PTPRD: variants seen among roughly 807,000 people sequenced by gnomAD.
PTPRD encodes the protein receptor-type tyrosine-protein phosphatase delta.
Under a neutral mutation model 214.5 loss-of-function variants are expected in PTPRD, and 34 were observed. That is an observed-to-expected ratio of 0.16 (90% CI 0.12 to 0.21). The LOEUF (loss-of-function observed/expected upper bound fraction) is 0.21, where lower values mean the gene tolerates loss of function less well. Ranked by LOEUF, PTPRD falls within the 10% of genes least tolerant of loss-of-function variation. The probability of loss-of-function intolerance (pLI) is 1.00; values close to 1 mark genes in which losing one functional copy is unlikely to be tolerated. For synonymous variants in PTPRD, 1,128 were observed against 845.7 expected (o/e 1.33, Z -5.79); for missense variants, 2,545 against 2,398.7 (o/e 1.06, Z -1.27).
chr9:8,470,952 TTAAA>T (rs2096642052), intron 31 of PTPRD, 39 bp downstream of exon 31: 2 of 1,549,202 alleles, frequency 1.3e-6, no homozygotes, highest in African/African-American at 1.4e-5. Context: ...ATGCAGCAGA[TTAAA>T]TAACGAATAA....
rs191617884 is a variant in PTPRD at position 8,498,345 on chromosome 9, G to A, written c.2323-1077C>T. Among the ~76,000 whole-genome samples the A allele has an allele frequency of 1.9e-3, 284 of 152,162 alleles. 2 individuals are homozygous for A. Among genetic ancestry groups the A allele is most frequent in the African/African-American group, 6.8e-3 (282 of 41,502 alleles). On this transcript the variant is annotated intron_variant, in intron 25 of 45. Coordinates refer to ENST00000381196, the MANE Select transcript of PTPRD (RefSeq NM_002839.4). ...GGCTGGAGTGCAGTGGTGCGATCTTGGCTCACTGCAAACTCCACCTCCTGG... is the reference window on the plus strand; with the variant it reads ...GGCTGGAGTGCAGTGGTGCGATCTTAGCTCACTGCAAACTCCACCTCCTGG...
At chr9:9,198,408 G>C (rs563480524) in intron 9 of PTPRD, among the ~76,000 whole-genome samples, 1 of 149,412 alleles carries the variant, frequency 6.7e-6, no homozygotes, top group African/African-American at 2.5e-5. Context: ...TGTCAAATAG[G>C]TTTTTTTTTT....
intron 5 of PTPRD, among the ~76,000 whole-genome samples, chr9:9,812,628 T>C (rs1251781949): frequency 6.6e-6 from 1 of 152,160 alleles, no homozygotes; most frequent in African/African-American, 2.4e-5. Flanking sequence ...CAATTGTAAA[T>C]ATACATGTAC....
chr9:9,203,413 C>T (rs567287368), intron 9 of PTPRD, among the ~76,000 whole-genome samples: 9 of 152,252 alleles, frequency 5.9e-5, no homozygotes, highest in African/African-American at 2.2e-4. Context: ...TGCTTTACCA[C>T]ATATCCCATA....
At chr9:9,033,539 A>T (rs559499667) in intron 10 of PTPRD, among the ~76,000 whole-genome samples, 4 of 152,282 alleles carry the variant, frequency 2.6e-5, no homozygotes, top group Non-Finnish European at 5.9e-5. Context: ...AAAAGGATTC[A>T]TCATTAGATG....
intron 9 of PTPRD, among the ~76,000 whole-genome samples, chr9:9,371,735 C>T (rs2059555231): frequency 6.6e-6 from 1 of 152,074 alleles, no homozygotes; most frequent in Non-Finnish European, 1.5e-5. Flanking sequence ...TTCCTGCTTT[C>T]TCTTGTGGGC....
At chr9:9,770,620 T>G (rs1279897888) in intron 5 of PTPRD, among the ~76,000 whole-genome samples, 2 of 152,128 alleles carry the variant, frequency 1.3e-5, no homozygotes, top group Admixed American at 6.5e-5. Context: ...ATCATAATAC[T>G]CAGAGTACTT....
Position 9,467,214 on chromosome 9 carries a change from T to G in PTPRD, c.-236-69732A>C, listed in dbSNP as rs13440021. On this transcript the variant is annotated intron_variant, in intron 8 of 45. Transcript: ENST00000381196. ...ATATAGAGATGATGGTTCATTTATC[T>G]TTTTTTTTTTTTTTTTTTTTTTTAA... Among the ~76,000 whole-genome samples the G allele has an allele frequency of 1.7e-3, 144 of 83,550 alleles. 2 individuals are homozygous for G. The highest frequency in any genetic ancestry group is 2.5e-3 in the Non-Finnish European group (94 of 38,134). The allele number at this position is 83,550 out of a possible 152,430, so 54.8% of individuals were successfully genotyped here. A position where few individuals can be genotyped will look rare whatever the true frequency, so the allele number is the denominator to read the frequency against.
Position 9,608,635 on chromosome 9 carries a change from C to T in PTPRD, c.-286-33854G>A, listed in dbSNP as rs143279120. ...TTGAGGTTGTGGAGATGATCAAACA[C>T]TGCTTCATTCTGGCATAGAATCCTT... On this transcript the variant is annotated intron_variant, in intron 7 of 45. Transcript: ENST00000381196. Among the ~76,000 whole-genome samples the T allele has an allele frequency of 3.3e-5, 5 of 152,330 alleles. No homozygotes were observed. In the South Asian group the frequency reaches 6.2e-4, roughly 19 times the overall value.
intron 8 of PTPRD, among the ~76,000 whole-genome samples, chr9:9,487,088 T>G (rs918331162): frequency 6.6e-6 from 1 of 152,166 alleles, no homozygotes; most frequent in Admixed American, 6.6e-5. Context: ...ACTTTAAGTT[T>G]TAGGGTACAT....
At chr9:10,210,154 C>T (rs2099508825) in intron 3 of PTPRD, among the ~76,000 whole-genome samples, 1 of 151,936 alleles carries the variant, frequency 6.6e-6, no homozygotes, top group Non-Finnish European at 1.5e-5. Context: ...ACCTTTATGC[C>T]AGCTATTAAA....
At chr9:10,419,147 A>G (rs938705694) in intron 2 of PTPRD, among the ~76,000 whole-genome samples, 1 of 151,952 alleles carries the variant, frequency 6.6e-6, no homozygotes, top group Non-Finnish European at 1.5e-5. Context: ...CAATAAAAAA[A>G]CCACTTGTGT....
chr9:9,046,210 G>T (rs1381578733), intron 10 of PTPRD, among the ~76,000 whole-genome samples: 1 of 152,164 alleles, frequency 6.6e-6, no homozygotes, highest in Admixed American at 6.6e-5. Flanking sequence ...CCACAGGAAA[G>T]CTAGTTGTTA....
intron 10 of PTPRD, among the ~76,000 whole-genome samples, chr9:9,178,321 CCTTT>C (rs906901661): frequency 2.6e-5 from 4 of 151,846 alleles, no homozygotes; most frequent in African/African-American, 4.8e-5. Flanking sequence ...TCTCTTTCTT[CCTTT>C]CTTTCTTTTC....
At chr9:10,508,099 A>G (rs962430178) in intron 2 of PTPRD, among the ~76,000 whole-genome samples, 2 of 152,134 alleles carry the variant, frequency 1.3e-5, no homozygotes, top group African/African-American at 4.8e-5. Context: ...AAACAAATTT[A>G]CGAGAAGTAA....
At chr9:9,259,294 T>G (rs1307025834) in intron 9 of PTPRD, among the ~76,000 whole-genome samples, 1 of 151,822 alleles carries the variant, frequency 6.6e-6, no homozygotes, top group East Asian at 1.9e-4. Context: ...GTAATTCAAT[T>G]AGACATAGCA....
chr9:8,762,846 T>G (rs1015819301), intron 11 of PTPRD, among the ~76,000 whole-genome samples: 35 of 152,174 alleles, frequency 2.3e-4, no homozygotes, highest in African/African-American at 8.4e-4. Flanking sequence ...CCCCAAAAGC[T>G]TGCCTCCCAG....
intron 11 of PTPRD, among the ~76,000 whole-genome samples, chr9:9,004,250 A>C (rs1010093211): frequency 7.9e-5 from 12 of 152,028 alleles, no homozygotes; most frequent in Non-Finnish European, 4.4e-5. Flanking sequence ...ACTCATTTTA[A>C]ATTTTAAGAA....
intron 12 of PTPRD, among the ~76,000 whole-genome samples, chr9:8,706,564 A>G (rs1035202399): frequency 1.4e-4 from 22 of 152,160 alleles, no homozygotes; most frequent in Non-Finnish European, 3.1e-4. Flanking sequence ...TATATTTAGG[A>G]AACAGAGCGA....
Sources: gnomAD v4.1 joint callset for allele counts (sites outside exome capture counted in the v4.1 genomes callset) on GRCh38, gnomAD v4.1.1 for gene constraint, MANE v1.5 for transcripts, NCBI Gene and HGNC (gene_info 2026-07-23, HGNC 2026-07-21) for gene names.